NUP210L: variants seen among roughly 807,000 people sequenced by gnomAD.
The protein encoded by NUP210L is nuclear pore membrane glycoprotein 210-like.
Under a neutral mutation model 208.5 loss-of-function variants are expected in NUP210L, and 74 were observed. The observed-to-expected ratio is 0.35, with a 90% CI of 0.29 to 0.43. NUP210L has a LOEUF of 0.43. Among genes scored for constraint, NUP210L ranks in the 20% least tolerant of loss-of-function variants. The probability of loss-of-function intolerance (pLI) is 1.00; values close to 1 mark genes in which losing one functional copy is unlikely to be tolerated. For missense variants in NUP210L, 1,843 were observed against 2,289.4 expected (o/e 0.81, Z 3.98); for synonymous variants, 780 against 816.9 (o/e 0.95, Z 0.77).
At chr1:154,147,609 GC>G (rs1332857515) in intron 2 of NUP210L, among the ~76,000 whole-genome samples, 1 of 151,746 alleles carries the variant, frequency 6.6e-6, no homozygotes, top group Non-Finnish European at 1.5e-5. Context: ...CTCTCAGAGT[GC>G]TGGGATTACA....
At chr1:154,013,852 C>T (rs550031746) in intron 33 of NUP210L, among the ~76,000 whole-genome samples, 1 of 152,216 alleles carries the variant, frequency 6.6e-6, no homozygotes, top group East Asian at 1.9e-4. Flanking sequence ...GCAGCCTCTG[C>T]GTCCTGGGTT....
At chr1:154,043,299 C>A (rs1349494402) in intron 27 of NUP210L, among the ~76,000 whole-genome samples, 4 of 151,582 alleles carry the variant, frequency 2.6e-5, no homozygotes, top group South Asian at 4.2e-4. Flanking sequence ...GGATTACAGG[C>A]GTGAGCCACT....
intron 24 of NUP210L, 100 bp from the exon 25 acceptor site, chr1:154,054,507 C>T: frequency 8.7e-7 from 1 of 1,142,914 alleles, no homozygotes; most frequent in Non-Finnish European, 1.3e-6. Context: ...TTCATCTTCC[C>T]CCATTTCTTG....
intron 7 of NUP210L, among the ~76,000 whole-genome samples, chr1:154,132,919 T>G (rs1658332242): frequency 6.6e-6 from 1 of 152,176 alleles, no homozygotes; most frequent in African/African-American, 2.4e-5. Context: ...GATAGAATTT[T>G]TTTGGTGTTG....
At chr1:154,055,189 T>TC (rs1414527423) in intron 23 of NUP210L, among the ~76,000 whole-genome samples, 2 of 130,724 alleles carry the variant, frequency 1.5e-5, no homozygotes, top group Admixed American at 1.6e-4. Flanking sequence ...CTTTCTTTCT[T>TC]TTTCTTTCTT....
At chr1:154,003,284 T>C (rs1255602340) in intron 35 of NUP210L, among the ~76,000 whole-genome samples, 1 of 152,044 alleles carries the variant, frequency 6.6e-6, no homozygotes, top group African/African-American at 2.4e-5. Context: ...CTCAGCTCAC[T>C]GCAAGCTCTG....
intron 37 of NUP210L, among the ~76,000 whole-genome samples, chr1:153,996,309 CA>C (rs1487570121): frequency 3.3e-5 from 5 of 152,062 alleles, no homozygotes; most frequent in African/African-American, 7.2e-5. Context: ...ACAAAACAAA[CA>C]AAAACATGCT....
At chr1:154,120,594 T>C (rs1657567218) in intron 10 of NUP210L, among the ~76,000 whole-genome samples, 1 of 150,356 alleles carries the variant, frequency 6.7e-6, no homozygotes, top group Non-Finnish European at 1.5e-5. Flanking sequence ...ACCTGCACAT[T>C]GTGCACATGT....
Position 154,141,416 on chromosome 1 carries a change from T to G in NUP210L, c.566+15A>C, listed in dbSNP as rs369183433. 1.3e-6 allele frequency: 2 copies of G among 1,489,410 alleles called. No individual in the cohort carries two copies. The highest frequency in any genetic ancestry group is 1.7e-5 in the Admixed American group (1 of 59,784). The allele number at this position is 1,489,410 out of a possible 1,614,324, so 92.3% of individuals were successfully genotyped here. ...TCTTCATAGTCAGATGATTTATGTTTGGTTTCAAGTTTACCTAATTTTGCT... is the reference window on the plus strand; with the variant it reads ...TCTTCATAGTCAGATGATTTATGTTGGGTTTCAAGTTTACCTAATTTTGCT... On this transcript the variant is annotated intron_variant, in intron 4 of 39. Coordinates refer to ENST00000368559, the Ensembl canonical transcript of NUP210L.
chr1:154,012,323 C>T (rs758685370), exon 34 of NUP210L: 2 of 1,613,654 alleles, frequency 1.2e-6, no homozygotes, highest in South Asian at 2.2e-5. Flanking sequence ...TGAGATAAGT[C>T]TTGAGGTCAT....
At chr1:153,995,997 TA>T (rs530432726) in intron 37 of NUP210L, 2,904 of 327,486 alleles carry the variant, frequency 8.9e-3, no homozygotes, top group South Asian at 0.015. Flanking sequence ...TGAGGAGACT[TA>T]AAAAAAAAAT....
intron 27 of NUP210L, among the ~76,000 whole-genome samples, chr1:154,033,356 T>A (rs1319502549): frequency 2.0e-5 from 3 of 152,210 alleles, no homozygotes; most frequent in Non-Finnish European, 2.9e-5. Flanking sequence ...CCCAATGTTT[T>A]CTTGTAATAT....
At chr1:154,063,083 A>T (rs575056191) in intron 17 of NUP210L, among the ~76,000 whole-genome samples, 1 of 152,220 alleles carries the variant, frequency 6.6e-6, no homozygotes, top group Non-Finnish European at 1.5e-5. Flanking sequence ...AGAAGAAAAC[A>T]CAATCCTTGC....
chr1:154,026,594 T>C (rs946004083), intron 29 of NUP210L, among the ~76,000 whole-genome samples: 4 of 152,046 alleles, frequency 2.6e-5, no homozygotes, highest in Non-Finnish European at 4.4e-5. Context: ...GTGATCCACC[T>C]GCATTGGCCT....
At chr1:154,009,985 G>A (rs914511265) in exon 35 of NUP210L, 4 of 1,610,400 alleles carry the variant, frequency 2.5e-6, no homozygotes, top group Non-Finnish European at 1.7e-6. Flanking sequence ...TCTCCATACT[G>A]AAATCTGAAT....
chr1:154,015,949 TAAATAA>T, intron 33 of NUP210L, among the ~76,000 whole-genome samples: 1 of 145,690 alleles, frequency 6.9e-6, no homozygotes, highest in East Asian at 2.0e-4. Flanking sequence ...AATAAATAAA[TAAATAA>T]AAATAAAAAA....
At chr1:154,134,509 G>A (rs1471082770) in intron 7 of NUP210L, among the ~76,000 whole-genome samples, 1 of 148,630 alleles carries the variant, frequency 6.7e-6, no homozygotes, top group Non-Finnish European at 1.5e-5. Flanking sequence ...AGGCCGAGGC[G>A]GGCAGATCAC....
chr1:154,152,903 A>G (rs1158411050), intron 1 of NUP210L, 31 bp from the exon 2 acceptor site: 1 of 1,606,956 alleles, frequency 6.2e-7, no homozygotes, highest in African/African-American at 1.3e-5. Context: ...AGAGTGTGAA[A>G]TAGGTGGGTT....
At chr1:154,006,626 T>C (rs1571157708) in intron 35 of NUP210L, among the ~76,000 whole-genome samples, 1 of 151,568 alleles carries the variant, frequency 6.6e-6, no homozygotes, top group Middle Eastern at 3.4e-3. Context: ...CCCGAGTAGC[T>C]GGGACTACAG....
Sources: allele counts gnomAD v4.1 joint callset (sites outside exome capture counted in the v4.1 genomes callset), GRCh38; gene constraint gnomAD v4.1.1; transcripts MANE v1.5; gene names NCBI Gene and HGNC (gene_info 2026-07-23, HGNC 2026-07-21).